The following GALNT14 variants were observed in gnomAD, a reference collection of about 807,000 sequenced individuals.
GALNT14 encodes the protein UDP-GalNAc:polypeptide N-acetylgalactosaminyltransferase 14.
GALNT14 carries 60 observed loss-of-function variants against 77.5 expected under a neutral mutation model. That is an observed-to-expected ratio of 0.77 (90% CI 0.63 to 0.96). The LOEUF (loss-of-function observed/expected upper bound fraction) is 0.96, where lower values mean the gene tolerates loss of function less well. GALNT14 is among the 40% of genes least tolerant of loss of function. The probability of loss-of-function intolerance (pLI) is 0.00; values close to 1 mark genes in which losing one functional copy is unlikely to be tolerated. For missense variants in GALNT14, 710 were observed against 731.0 expected, an observed-to-expected ratio of 0.97 and a Z score of 0.33; for synonymous variants, 280 against 281.7, an observed-to-expected ratio of 0.99 and a Z score of 0.06.
chr2:30,956,733 C>G (rs957891483), intron 4 of GALNT14, among the ~76,000 whole-genome samples: 1 of 152,204 alleles, frequency 6.6e-6, no homozygotes, highest in South Asian at 2.1e-4. Flanking sequence ...TCTCGAACTC[C>G]TGACCTCAGA....
At chr2:30,925,438 A>G (rs1239061156) in intron 11 of GALNT14, among the ~76,000 whole-genome samples, 1 of 152,218 alleles carries the variant, frequency 6.6e-6, no homozygotes, top group African/African-American at 2.4e-5. Flanking sequence ...GGAACAACTC[A>G]GAGGGGGACC....
chr2:30,912,061 C>T (rs936135398), intron 14 of GALNT14, among the ~76,000 whole-genome samples, 162 bp downstream of exon 14: 2 of 152,190 alleles, frequency 1.3e-5, no homozygotes, highest in African/African-American at 2.4e-5. Context: ...GCTAGCATCA[C>T]AGAGGGGATC....
chr2:30,979,037 C>T (rs897986230), intron 2 of GALNT14, among the ~76,000 whole-genome samples: 2 of 152,244 alleles, frequency 1.3e-5, no homozygotes, highest in African/African-American at 4.8e-5. Flanking sequence ...CCTCACAGCA[C>T]AGTCGGCACA....
At chr2:31,046,889 A>G (rs947925004) in intron 1 of GALNT14, among the ~76,000 whole-genome samples, 3 of 152,168 alleles carry the variant, frequency 2.0e-5, no homozygotes, top group African/African-American at 7.2e-5. Flanking sequence ...TCTCACATCT[A>G]TCAGCTCATT....
chr2:31,099,446 G>T lies in GALNT14; in HGVS notation c.129+38512C>A, dbSNP rs978608094. The stretch of plus-strand genomic sequence containing the variant: ...AATTTTTATTTACTCAGTTATATCA[G>T]ATTTTTATTTTATGGTTTCAAGATT... On this transcript the variant is annotated intron_variant, in intron 1 of 14. Transcript: ENST00000349752. 2.8e-4 allele frequency among the ~76,000 whole-genome samples: 43 copies of T among 151,902 alleles called. 1 individual carries two copies. The highest frequency in any genetic ancestry group is 8.9e-4 in the African/African-American group (37 of 41,390).
chr2:31,123,180 T>TAAA (rs1678508123), intron 1 of GALNT14, among the ~76,000 whole-genome samples: 1 of 15,418 alleles, frequency 6.5e-5, no homozygotes, highest in East Asian at 2.9e-3. Context: ...AGACTCCATC[T>TAAA]CAAAAAAAAA....
chr2:31,011,156 G>A (rs1034847186), intron 1 of GALNT14, among the ~76,000 whole-genome samples: 7 of 152,208 alleles, frequency 4.6e-5, no homozygotes, highest in African/African-American at 1.7e-4. Flanking sequence ...CTTGGGAAGT[G>A]ACTTAACCTC....
intron 1 of GALNT14, among the ~76,000 whole-genome samples, chr2:31,118,648 AAG>A (rs1334332413): frequency 5.3e-5 from 8 of 152,210 alleles, no homozygotes; most frequent in Non-Finnish European, 1.2e-4. Flanking sequence ...CATCAAAATC[AAG>A]AGAGTCCTTA....
intron 1 of GALNT14, among the ~76,000 whole-genome samples, chr2:31,060,791 G>A (rs1022777162): frequency 2.6e-5 from 4 of 152,156 alleles, no homozygotes; most frequent in Admixed American, 1.3e-4. Flanking sequence ...CAATTCTGCA[G>A]AACCACCTGG....
intron 2 of GALNT14, 87 bp from the exon 3 acceptor site, chr2:30,966,389 T>C: frequency 1.1e-6 from 1 of 911,450 alleles, no homozygotes; most frequent in Non-Finnish European, 1.8e-6. Flanking sequence ...TGGGTGGGCA[T>C]CCCTATGCCA....
intron 3 of GALNT14, among the ~76,000 whole-genome samples, chr2:30,959,483 A>G (rs1245723637): frequency 1.3e-5 from 2 of 152,224 alleles, no homozygotes; most frequent in East Asian, 3.9e-4. Context: ...AGCTTGTGGT[A>G]TAGCAGCTAC....
At chr2:31,121,217 C>A (rs983980178) in intron 1 of GALNT14, among the ~76,000 whole-genome samples, 17 of 152,208 alleles carry the variant, frequency 1.1e-4, no homozygotes, top group Non-Finnish European at 8.8e-5. Context: ...TGTAAGGAAT[C>A]TAGACAGGCA....
chr2:31,011,756 C>T (rs796692779), intron 1 of GALNT14, among the ~76,000 whole-genome samples: 1 of 152,192 alleles, frequency 6.6e-6, no homozygotes, highest in South Asian at 2.1e-4. Flanking sequence ...GCTCTGCCAG[C>T]CTCTGCCCAC....
At chr2:31,056,858 T>C (rs535011307) in intron 1 of GALNT14, among the ~76,000 whole-genome samples, 2 of 152,168 alleles carry the variant, frequency 1.3e-5, no homozygotes, top group East Asian at 3.9e-4. Flanking sequence ...CTACACACGA[T>C]CGCAAACACA....
chr2:30,893,468 G>A, the GALNT14 span, among the ~76,000 whole-genome samples: 30 of 152,252 alleles, frequency 2.0e-4, no homozygotes, highest in Non-Finnish European at 2.4e-4. Flanking sequence ...ATTTGGTTTA[G>A]CACATAAATG....
chr2:30,894,014 T>C, the GALNT14 span, among the ~76,000 whole-genome samples: 6 of 152,084 alleles, frequency 3.9e-5, 1 homozygote, highest in African/African-American at 1.4e-4. Flanking sequence ...TTTCTAAAAG[T>C]GCAACTTTCT....
chr2:30,992,793 C>T, intron 2 of GALNT14, 45 bp downstream of exon 2: 2 of 1,597,280 alleles, frequency 1.3e-6, no homozygotes, highest in African/African-American at 1.3e-5. Flanking sequence ...TGCTGTTGAT[C>T]TCTTTTGACT....
At chr2:30,933,796 T>G (rs1389091873) in intron 9 of GALNT14, among the ~76,000 whole-genome samples, 3 of 152,212 alleles carry the variant, frequency 2.0e-5, no homozygotes, top group African/African-American at 7.2e-5. Context: ...GAAACCTGCT[T>G]AAGCTCGCGG....
intron 9 of GALNT14, among the ~76,000 whole-genome samples, chr2:30,932,598 G>C (rs1251151420): frequency 6.6e-6 from 1 of 152,202 alleles, no homozygotes; most frequent in Non-Finnish European, 1.5e-5. Context: ...CAGAGGGTTA[G>C]AGTCAGGACC....
Sources: gnomAD v4.1 joint callset for allele counts (sites outside exome capture counted in the v4.1 genomes callset) on GRCh38, gnomAD v4.1.1 for gene constraint, MANE v1.5 for transcripts, NCBI Gene and HGNC (gene_info 2026-07-23, HGNC 2026-07-21) for gene names.